ADCY10: variants seen among roughly 807,000 people sequenced by gnomAD.
ADCY10 encodes adenylate cyclase 10, also known as adenylate cyclase type 10.
Under a neutral mutation model 183.3 loss-of-function variants are expected in ADCY10, and 156 were observed. The observed-to-expected ratio is 0.85, with a 90% CI of 0.75 to 0.97. The LOEUF (loss-of-function observed/expected upper bound fraction) is 0.97. ADCY10 is among the 50% of genes least tolerant of loss of function. The pLI is 0.00. For missense variants in ADCY10, 1,745 were observed against 1,934.3 expected (o/e 0.90, Z 1.84); for synonymous variants, 645 against 670.0 (o/e 0.96, Z 0.58).
At chr1:167,904,081 G>GATTTTT in intron 2 of ADCY10, 90 bp from the exon 3 acceptor site, 2 of 501,784 alleles carry the variant, frequency 4.0e-6, no homozygotes, top group Non-Finnish European at 6.8e-6. Context: ...GCGGGCCTCA[G>GATTTTT]CTTTTTTTTT....
chr1:167,843,422 C>G (rs1396056940), intron 21 of ADCY10, among the ~76,000 whole-genome samples: 1 of 151,750 alleles, frequency 6.6e-6, no homozygotes, highest in East Asian at 1.9e-4. Flanking sequence ...TTCCCCTTTC[C>G]CTCATCTCTT....
chr1:167,888,813 G>T (rs376716658), intron 8 of ADCY10, among the ~76,000 whole-genome samples: 3 of 134,596 alleles, frequency 2.2e-5, no homozygotes, highest in African/African-American at 3.5e-5. Context: ...GAGGCGGAGC[G>T]TGCAGTGAGC....
chr1:167,894,907 G>T (rs1668853075), intron 7 of ADCY10, among the ~76,000 whole-genome samples: 1 of 152,110 alleles, frequency 6.6e-6, no homozygotes, highest in African/African-American at 2.4e-5. Context: ...ACTGCAGGCC[G>T]AGCACGGTGG....
At chr1:167,814,559 ATAG>A (rs1224416239) in intron 31 of ADCY10, among the ~76,000 whole-genome samples, 2 of 152,074 alleles carry the variant, frequency 1.3e-5, no homozygotes, top group African/African-American at 2.4e-5. Context: ...CAGTTCTATA[ATAG>A]TAGTTGGAGA....
At chr1:167,850,330 A>C (rs1226146291) in intron 18 of ADCY10, among the ~76,000 whole-genome samples, 1 of 152,152 alleles carries the variant, frequency 6.6e-6, no homozygotes, top group African/African-American at 2.4e-5. Flanking sequence ...AGGATAATGC[A>C]TGAAGTTTTA....
chr1:167,865,723 C>T (rs926880119), intron 14 of ADCY10, among the ~76,000 whole-genome samples: 7 of 152,188 alleles, frequency 4.6e-5, no homozygotes, highest in Admixed American at 4.6e-4. Flanking sequence ...AGACAGCATA[C>T]CAAGATGCAA....
At position 167,901,645 on chromosome 1, in the gene ADCY10, C is replaced by T. The variant is rs777121676; in HGVS notation, c.436+17G>A. 1.2e-6 allele frequency: 2 copies of T among 1,613,516 alleles called. No individual in the cohort carries two copies. Among genetic ancestry groups the T allele is most frequent in the Admixed American group, 3.3e-5 (2 of 60,012 alleles). ...TATCCCAGCTGCCGTAGGATTTATT[C>T]CTTCTCAAATGCTTACCTATCTTGA... On this transcript the variant is annotated intron_variant, in intron 5 of 32. Transcript: ENST00000367851.
intron 25 of ADCY10, among the ~76,000 whole-genome samples, chr1:167,832,338 T>C (rs1421919153): frequency 6.6e-6 from 1 of 152,202 alleles, no homozygotes; most frequent in African/African-American, 2.4e-5. Context: ...CAAAATGCAC[T>C]CAACACCTAC....
At chr1:167,868,719 T>G (rs1163019644) in intron 14 of ADCY10, among the ~76,000 whole-genome samples, 4 of 152,210 alleles carry the variant, frequency 2.6e-5, no homozygotes, top group African/African-American at 4.8e-5. Flanking sequence ...GTCTATGCTT[T>G]CCGCGAAAAG....
chr1:167,894,170 T>C (rs951354331), intron 7 of ADCY10, among the ~76,000 whole-genome samples: 2 of 152,192 alleles, frequency 1.3e-5, no homozygotes, highest in Non-Finnish European at 2.9e-5. Context: ...CTCAAAACCT[T>C]GTTCAAACTG....
rs1015213867 is a variant in ADCY10 at position 167,860,814 on chromosome 1, G to A, written c.1809+57C>T. 3.1e-5 allele frequency: 43 copies of A among 1,407,450 alleles called. No individual in the cohort carries two copies. In the African/African-American group the frequency reaches 4.5e-4, roughly 15 times the overall value. The allele number at this position is 1,407,450 out of a possible 1,614,324, so 87.2% of individuals were successfully genotyped here. On this transcript the variant is annotated intron_variant, in intron 15 of 32. Transcript: ENST00000367851. The stretch of plus-strand genomic sequence containing the variant: ...ATGCTAAGTCACAATGCACCAGAGA[G>A]GAGTTGCTGTGCCTGCCCATGGCTA...
chr1:167,861,794 C>T (rs79624485), intron 14 of ADCY10, among the ~76,000 whole-genome samples: 1,779 of 152,270 alleles, frequency 0.012, 34 homozygotes, highest in African/African-American at 0.041. Flanking sequence ...TTGCAACCCC[C>T]GAGTGTCAGG....
At chr1:167,913,203 G>A (rs1040876664) in intron 1 of ADCY10, among the ~76,000 whole-genome samples, 1 of 152,172 alleles carries the variant, frequency 6.6e-6, no homozygotes, top group East Asian at 1.9e-4. Context: ...GCAAGCAGGC[G>A]AATGAGGCCC....
At chr1:167,820,103 T>G (rs1662793726) in intron 30 of ADCY10, 1 of 1,569,168 alleles carries the variant, frequency 6.4e-7, no homozygotes, top group South Asian at 1.2e-5. Context: ...TGTCCTGACA[T>G]CAACGTTTCC....
In ADCY10 at chr1:167,818,220, C is replaced by G. The variant is rs201804890; in HGVS notation, c.4334G>C (p.Arg1445Thr). 1.8e-4 allele frequency: 289 copies of G among 1,614,164 alleles called. 2 individuals carry two copies. In the South Asian group the frequency reaches 2.4e-3, roughly 13 times the overall value. The change falls in exon 31 of 33, where the codon AGA (arginine) becomes ACA (threonine). Residue 1445 changes from arginine to threonine, a missense_variant. By Grantham distance (71) the Arg-to-Thr change is moderately conservative. Coordinates refer to ENST00000367851, the MANE Select transcript of ADCY10 (RefSeq NM_018417.6). ...EWDNFYKFSNRAKNLLPRRTM... is the reference protein window; with the variant it reads ...EWDNFYKFSNTAKNLLPRRTM... ...TCTTCTTGGCAAAAGATTTTTAGCT[C>G]TATTGGAAAATTTGTAAAAGTTGTC...
intron 2 of ADCY10, 63 bp downstream of exon 2, chr1:167,904,930 A>G (rs1322042479): frequency 6.2e-7 from 1 of 1,611,380 alleles, no homozygotes; most frequent in African/African-American, 1.3e-5. Flanking sequence ...CAAGCTCTGC[A>G]TGTGAATTCC....
intron 6 of ADCY10, among the ~76,000 whole-genome samples, chr1:167,898,556 G>A (rs897510826): frequency 6.6e-6 from 1 of 151,574 alleles, no homozygotes; most frequent in Non-Finnish European, 1.5e-5. Flanking sequence ...CCGAGATCAC[G>A]CCATTGCACT....
rs569885053 is a variant in ADCY10 at position 167,901,220 on chromosome 1, C to G, written c.436+442G>C. 2.0e-5 allele frequency among the ~76,000 whole-genome samples: 3 copies of G among 152,198 alleles called. No homozygotes were observed. The East Asian group carries it at 5.8e-4, about 29-fold the overall frequency. On this transcript the variant is annotated intron_variant, in intron 5 of 32. Coordinates refer to ENST00000367851, the MANE Select transcript of ADCY10 (RefSeq NM_018417.6). ...AAGCTGGAGCTGTGTTGCAGGCTGA[C>G]CTGTTAAGCTTTTCCTACACCTCAT...
chr1:167,888,986 G>A (rs203855), intron 8 of ADCY10, among the ~76,000 whole-genome samples: 1,924 of 152,020 alleles, frequency 0.013, 40 homozygotes, highest in African/African-American at 0.044. Context: ...GTTTTTTGGT[G>A]GAGTCTTTAG....
Sources: gnomAD v4.1 joint callset for allele counts (sites outside exome capture counted in the v4.1 genomes callset) on GRCh38, gnomAD v4.1.1 for gene constraint, MANE v1.5 for transcripts, NCBI Gene and HGNC (gene_info 2026-07-23, HGNC 2026-07-21) for gene names.